The following RORA variants were observed in gnomAD, a reference collection of about 807,000 sequenced individuals.
The protein encoded by RORA is nuclear receptor ROR-alpha.
Under a neutral mutation model 69.5 loss-of-function variants are expected in RORA, and 7 were observed. The ratio of observed to expected loss-of-function variants is 0.10; its 90% CI spans 0.06 to 0.19. The LOEUF is 0.19. RORA is among the 10% of genes least tolerant of loss of function. The pLI is 1.00. For missense variants in RORA, 457 were observed against 663.0 expected, an observed-to-expected ratio of 0.69 and a Z score of 3.41; for synonymous variants, 261 against 240.8, an observed-to-expected ratio of 1.08 and a Z score of -0.78.
intron 1 of RORA, among the ~76,000 whole-genome samples, chr15:60,736,221 T>C (rs2071497321): frequency 6.6e-6 from 1 of 152,118 alleles, no homozygotes; most frequent in East Asian, 1.9e-4. Flanking sequence ...CCTGGAACAG[T>C]GTTTTCTGGT....
chr15:60,871,621 A>G (rs765571500), intron 1 of RORA, among the ~76,000 whole-genome samples: 11 of 152,220 alleles, frequency 7.2e-5, no homozygotes, highest in South Asian at 2.1e-4. Context: ...CCAAAGCTGA[A>G]TGGTTTTTCC....
chr15:60,676,954 T>G (rs1490853339), intron 2 of RORA, among the ~76,000 whole-genome samples: 1 of 152,224 alleles, frequency 6.6e-6, no homozygotes, highest in Non-Finnish European at 1.5e-5. Context: ...GTACTCTTCA[T>G]GTCCAGTGGA....
chr15:60,703,432 G>T (rs2071014758), intron 1 of RORA, among the ~76,000 whole-genome samples: 1 of 141,294 alleles, frequency 7.1e-6, no homozygotes, highest in Admixed American at 7.0e-5. Context: ...ACTTGGCTCT[G>T]TGTTCTTCAA....
intron 1 of RORA, among the ~76,000 whole-genome samples, chr15:60,858,863 G>T (rs1438218630): frequency 6.6e-6 from 1 of 152,002 alleles, no homozygotes; most frequent in South Asian, 2.1e-4. Context: ...TGCTTCTCCC[G>T]AATCCACATC....
chr15:60,788,065 A>G (rs1184727864), intron 1 of RORA, among the ~76,000 whole-genome samples: 5 of 152,214 alleles, frequency 3.3e-5, no homozygotes, highest in Admixed American at 3.3e-4. Context: ...GGTGTCTGAA[A>G]AGTATCTATC....
intron 2 of RORA, chr15:60,593,146 A>G (rs2068588972): frequency 3.3e-6 from 1 of 301,932 alleles, no homozygotes; most frequent in Non-Finnish European, 6.6e-6. Flanking sequence ...GGGCGGGGGA[A>G]CTCCGCCCAC....
intron 1 of RORA, among the ~76,000 whole-genome samples, chr15:61,150,336 CA>C (rs1042904873): frequency 1.3e-5 from 2 of 152,194 alleles, no homozygotes; most frequent in Non-Finnish European, 2.9e-5. Context: ...ATACAGTGTA[CA>C]GTTTAAAAAT....
chr15:61,153,422 GC>G (rs1039349042), intron 1 of RORA, among the ~76,000 whole-genome samples: 1 of 152,134 alleles, frequency 6.6e-6, no homozygotes, highest in Non-Finnish European at 1.5e-5. Context: ...AGTGTGAATG[GC>G]ACAGGCTGGA....
chr15:60,875,984 A>G (rs77951645), intron 1 of RORA, among the ~76,000 whole-genome samples: 1,774 of 152,288 alleles, frequency 0.012, 19 homozygotes, highest in Middle Eastern at 0.031. Context: ...CTTAAGGATC[A>G]GGTTCTCTAA....
intron 1 of RORA, among the ~76,000 whole-genome samples, chr15:60,745,863 C>T (rs1342504617): frequency 6.6e-6 from 1 of 152,152 alleles, no homozygotes; most frequent in East Asian, 1.9e-4. Flanking sequence ...TGACCTCATG[C>T]CTTGGACTGG....
chr15:60,592,677 C>T (rs1432840707), intron 2 of RORA: 14 of 1,072,296 alleles, frequency 1.3e-5, no homozygotes, highest in East Asian at 5.9e-5. Context: ...GCCCCAGCGC[C>T]GCGCCCCGCC....
intron 1 of RORA, among the ~76,000 whole-genome samples, chr15:60,815,107 A>T (rs948234507): frequency 9.2e-5 from 14 of 152,174 alleles, no homozygotes; most frequent in Non-Finnish European, 8.8e-5. Context: ...TGACTCCTCT[A>T]TAAAAACGAG....
Position 61,112,944 on chromosome 15 carries a change from GC to G in RORA, c.166+116108del, listed in dbSNP as rs140667621. 4.2e-3 allele frequency among the ~76,000 whole-genome samples: 639 copies of G among 152,344 alleles called. 4 individuals are homozygous for G. The highest frequency in any genetic ancestry group is 0.017 in the Middle Eastern group (5 of 294). On this transcript the variant is annotated intron_variant, in intron 1 of 10. Transcript: ENST00000335670. ...TGTCAATGTCCTCTTTAAGTGGTGG[GC>G]ATAATATTGTCCTGCAAGTTCTTTT...
intron 10 of RORA, 25 bp from the exon 11 acceptor site, chr15:60,497,644 C>A (rs202160218): frequency 6.3e-7 from 1 of 1,591,106 alleles, no homozygotes. Flanking sequence ...AAGGACACAC[C>A]GTCAGGCAAG....
At position 60,547,324 on chromosome 15, in the gene RORA, C is replaced by CTT. The variant is rs368737897; in HGVS notation, c.197-15475_197-15474dup. ...GCTGTACTTTATAGTCCCTCTCCTC[C>CTT]TTTTTTTTTTTTTTTTAAAGATAGG... On this transcript the variant is annotated intron_variant, in intron 2 of 10. Transcript: ENST00000335670. Among the ~76,000 whole-genome samples, 132 of 136,784 alleles carry CTT rather than the reference C, an allele frequency of 9.7e-4. 1 individual carries two copies. In the Middle Eastern group the frequency reaches 0.012, roughly 12 times the overall value. 89.7% of individuals were successfully genotyped at this position (136,784 alleles called of 152,430 possible). A position where few individuals can be genotyped will look rare whatever the true frequency, so the allele number is the denominator to read the frequency against.
At chr15:61,088,141 C>G (rs2078652725) in intron 1 of RORA, among the ~76,000 whole-genome samples, 2 of 152,250 alleles carry the variant, frequency 1.3e-5, no homozygotes, top group African/African-American at 4.8e-5. Flanking sequence ...ACATGTTGGC[C>G]AGAGTGACAG....
intron 1 of RORA, among the ~76,000 whole-genome samples, chr15:60,978,342 C>T (rs183562071): frequency 6.0e-4 from 92 of 152,136 alleles, no homozygotes; most frequent in African/African-American, 1.7e-3. Flanking sequence ...ACACCCTTTG[C>T]CTATTTTATT....
In RORA at chr15:61,093,486, C is replaced by T. The variant is rs1465425057; in HGVS notation, c.166+135567G>A. Among the ~76,000 whole-genome samples, 4 of 152,324 alleles carry T rather than the reference C, an allele frequency of 2.6e-5. No homozygotes were observed. The East Asian group carries it at 7.7e-4, about 29-fold the overall frequency. On this transcript the variant is annotated intron_variant, in intron 1 of 10. Transcript: ENST00000335670. ...GAGATACAGACCAACAATGCTGCGG[C>T]TACAGAGCTGGTGACTTTCTCATCC...
At chr15:61,065,714 T>C (rs368757824) in intron 1 of RORA, among the ~76,000 whole-genome samples, 11 of 152,168 alleles carry the variant, frequency 7.2e-5, no homozygotes, top group African/African-American at 2.2e-4. Flanking sequence ...GAATCCAGTA[T>C]AAAGCTCATG....
Sources: allele counts gnomAD v4.1 joint callset (sites outside exome capture counted in the v4.1 genomes callset), GRCh38; gene constraint gnomAD v4.1.1; transcripts MANE v1.5; gene names NCBI Gene and HGNC (gene_info 2026-07-23, HGNC 2026-07-21).